SMOC2: variants seen among roughly 807,000 people sequenced by gnomAD.
The protein encoded by SMOC2 is SPARC related modular calcium binding 2, also known as SPARC-related modular calcium-binding protein 2.
A neutral mutation model predicts 61.4 loss-of-function variants in SMOC2; 39 were observed. The observed-to-expected ratio is 0.64, with a 90% confidence interval of 0.49 to 0.83. The LOEUF is 0.83. Ranked by LOEUF, SMOC2 falls within the 40% of genes least tolerant of loss-of-function variation. The probability of loss-of-function intolerance (pLI) is 0.00; values close to 1 mark genes in which losing one functional copy is unlikely to be tolerated. For missense variants in SMOC2, 556 were observed against 592.9 expected, an observed-to-expected ratio of 0.94 and a Z score of 0.65; for synonymous variants, 247 against 239.9, an observed-to-expected ratio of 1.03 and a Z score of -0.27.
rs1444124824 is a variant in SMOC2 at position 168,535,782 on chromosome 6, G to A, written c.464-7843G>A. ...GTCAGGAGAGAGGCAGCGCCGCCGG[G>A]GGAAGATGGGAGGGAGACCAATGCG... On this transcript the variant is annotated intron_variant, in intron 4 of 12. Transcript: ENST00000356284. The surrounding 1 kb of genome is among the most constrained non-coding windows in gnomAD (Gnocchi z 4.6). 1.3e-5 allele frequency among the ~76,000 whole-genome samples: 2 copies of A among 152,218 alleles called. No individual in the cohort carries two copies. Among genetic ancestry groups the A allele is most frequent in the Admixed American group, 6.5e-5 (1 of 15,288 alleles).
chr6:168,516,629 CAT>C (rs5881795), intron 2 of SMOC2, among the ~76,000 whole-genome samples: 17,116 of 152,162 alleles, frequency 0.11, 1,140 homozygotes, highest in South Asian at 0.2. Context: ...ATCTGGCACA[CAT>C]GAGGCCCACG....
intron 7 of SMOC2, among the ~76,000 whole-genome samples, chr6:168,564,246 T>C (rs946339846): frequency 1.3e-5 from 2 of 152,094 alleles, no homozygotes; most frequent in African/African-American, 4.8e-5. Context: ...TTTCTTCCAC[T>C]CTGAGCCGTC....
intron 1 of SMOC2, among the ~76,000 whole-genome samples, chr6:168,500,609 G>A (rs542155937): frequency 7.2e-5 from 11 of 152,214 alleles, no homozygotes; most frequent in South Asian, 4.2e-4. Flanking sequence ...GTGGCTACGC[G>A]AATGTGGCTC....
intron 1 of SMOC2, among the ~76,000 whole-genome samples, chr6:168,499,856 ACT>A (rs1782681908): frequency 6.6e-6 from 1 of 152,000 alleles, no homozygotes; most frequent in Non-Finnish European, 1.5e-5. Context: ...TTAATTAATC[ACT>A]CTGTTTCCAT....
At chr6:168,586,725 ATAT>A (rs1282078068) in intron 7 of SMOC2, among the ~76,000 whole-genome samples, 6 of 152,158 alleles carry the variant, frequency 3.9e-5, no homozygotes, top group Admixed American at 6.5e-5. Flanking sequence ...TATGTTTTTG[ATAT>A]TATAGCAAAT....
intron 7 of SMOC2, among the ~76,000 whole-genome samples, chr6:168,571,030 T>C (rs1397022721): frequency 6.6e-6 from 1 of 152,098 alleles, no homozygotes; most frequent in Non-Finnish European, 1.5e-5. Context: ...GAGTTCAGGG[T>C]TTCCACGACC....
chr6:168,441,961 T>A (rs1781220909), intron 1 of SMOC2, among the ~76,000 whole-genome samples: 1 of 152,160 alleles, frequency 6.6e-6, no homozygotes, highest in African/African-American at 2.4e-5. Context: ...GCCTGGAGCG[T>A]GTTCTCCCGA....
intron 9 of SMOC2, among the ~76,000 whole-genome samples, chr6:168,616,815 G>A (rs147656103): frequency 7.2e-5 from 11 of 152,328 alleles, no homozygotes; most frequent in East Asian, 5.8e-4. Context: ...AAGGGGTGCC[G>A]AGGAGTCAAG....
Position 168,452,905 on chromosome 6 carries a change from C to CT in SMOC2, c.84+11452dup, listed in dbSNP as rs1319712020. ...ACGAGGCTGACTCCCAGGCCACACT[C>CT]TGTCAATTTCTGGGGCTTCCTCTGG... On this transcript the variant is annotated intron_variant, in intron 1 of 12. Coordinates refer to ENST00000356284, the MANE Select transcript of SMOC2 (RefSeq NM_001166412.2). This position sits in a 1 kb window ranked among gnomAD's most constrained non-coding sequence, Gnocchi z 5.0. Among the ~76,000 whole-genome samples the CT allele has an allele frequency of 6.6e-6, 1 of 152,252 alleles. No homozygotes were observed. The highest frequency in any genetic ancestry group is 6.5e-5 in the Admixed American group (1 of 15,288).
intron 7 of SMOC2, among the ~76,000 whole-genome samples, chr6:168,591,055 C>A (rs140900599): frequency 2.0e-5 from 3 of 152,116 alleles, no homozygotes; most frequent in Non-Finnish European, 4.4e-5. Context: ...AAATTGAAAT[C>A]ATATTTCTAT....
intron 1 of SMOC2, among the ~76,000 whole-genome samples, chr6:168,461,714 C>T (rs2115003698): frequency 6.6e-6 from 1 of 152,320 alleles, no homozygotes; most frequent in African/African-American, 2.4e-5. Context: ...ATGGAGACAT[C>T]TGGCTGTCAC....
chr6:168,480,269 AG>A, intron 1 of SMOC2, among the ~76,000 whole-genome samples: 1 of 152,198 alleles, frequency 6.6e-6, no homozygotes, highest in East Asian at 1.9e-4. Flanking sequence ...ATGAATCAAC[AG>A]AAAACTGTCC....
chr6:168,632,250 C>G (rs1258504191), intron 9 of SMOC2, among the ~76,000 whole-genome samples: 1 of 152,184 alleles, frequency 6.6e-6, no homozygotes, highest in Non-Finnish European at 1.5e-5. Flanking sequence ...CCATCCATCT[C>G]AACGGCTGGG....
At chr6:168,442,094 A>G (rs1781224715) in intron 1 of SMOC2, among the ~76,000 whole-genome samples, 1 of 152,220 alleles carries the variant, frequency 6.6e-6, no homozygotes, top group Admixed American at 6.5e-5. Context: ...CCGAGGAAGA[A>G]GCAGATGAGG....
At chr6:168,658,066 G>A (rs1268795075) in intron 11 of SMOC2, among the ~76,000 whole-genome samples, 1 of 152,158 alleles carries the variant, frequency 6.6e-6, no homozygotes, top group Non-Finnish European at 1.5e-5. Flanking sequence ...AAACCTACAA[G>A]CAGGGTCCAC....
chr6:168,565,427 C>T (rs754087242), intron 7 of SMOC2, among the ~76,000 whole-genome samples: 9 of 152,184 alleles, frequency 5.9e-5, no homozygotes, highest in Non-Finnish European at 8.8e-5. Context: ...TTCTTCCCTC[C>T]GTGGTCTTCC....
At chr6:168,542,361 A>G (rs1262971402) in intron 4 of SMOC2, among the ~76,000 whole-genome samples, 1 of 152,228 alleles carries the variant, frequency 6.6e-6, no homozygotes, top group African/African-American at 2.4e-5. Context: ...GGTAACAGTA[A>G]CAGCTGGGAA....
intron 5 of SMOC2, among the ~76,000 whole-genome samples, chr6:168,546,251 G>GAAA (rs143673157): frequency 3.0e-5 from 2 of 66,456 alleles, no homozygotes; most frequent in Non-Finnish European, 5.8e-5. Context: ...AAGCTTCAGT[G>GAAA]AAAAAAAAAA....
intron 7 of SMOC2, among the ~76,000 whole-genome samples, chr6:168,555,328 C>T (rs1464457519): frequency 3.3e-5 from 5 of 152,208 alleles, no homozygotes; most frequent in Non-Finnish European, 7.3e-5. Context: ...GTCAAATATC[C>T]GGGGTCCTGT....
Sources: allele counts gnomAD v4.1 joint callset (sites outside exome capture counted in the v4.1 genomes callset), GRCh38; gene constraint gnomAD v4.1.1; non-coding constraint Gnocchi (gnomAD v3.1); transcripts MANE v1.5; gene names NCBI Gene and HGNC (gene_info 2026-07-23, HGNC 2026-07-21).